The following ZBTB4 variants were observed in gnomAD, a reference collection of about 807,000 sequenced individuals.
ZBTB4 encodes the protein zinc finger and BTB domain containing 4, also known as zinc finger and BTB domain-containing protein 4.
Under a neutral mutation model 59.8 loss-of-function variants are expected in ZBTB4, and 14 were observed. The observed-to-expected ratio is 0.23, with a 90% CI of 0.15 to 0.37. ZBTB4 has a LOEUF of 0.37. Ranked by LOEUF, ZBTB4 falls within the 10% of genes least tolerant of loss-of-function variation. The pLI is 1.00. For missense variants in ZBTB4, 1,198 were observed against 1,380.8 expected, an observed-to-expected ratio of 0.87 and a Z score of 2.10; for synonymous variants, 587 against 575.2, an observed-to-expected ratio of 1.02 and a Z score of -0.29.
upstream of ZBTB4, chr17:7,482,550 C>T (rs532102930): frequency 1.9e-5 from 30 of 1,612,692 alleles, no homozygotes; most frequent in African/African-American, 2.7e-5. Flanking sequence ...GGTGTCTACA[C>T]CGCCCTGGGC....
intron 1 of ZBTB4, among the ~76,000 whole-genome samples, chr17:7,473,463 T>C (rs1002473369): frequency 3.3e-5 from 5 of 152,132 alleles, no homozygotes; most frequent in African/African-American, 1.2e-4. Flanking sequence ...TTTCACCATG[T>C]CGGCCTGGCT....
intron 1 of ZBTB4, among the ~76,000 whole-genome samples, chr17:7,477,719 G>A (rs1386679868): frequency 6.6e-6 from 1 of 152,206 alleles, no homozygotes; most frequent in African/African-American, 2.4e-5. Flanking sequence ...CACAAGGGGG[G>A]CAGAGAGAGG....
At chr17:7,474,220 C>CTTTTTTTTTTTTTTTT (rs67462449) in intron 1 of ZBTB4, among the ~76,000 whole-genome samples, 1 of 116,114 alleles carries the variant, frequency 8.6e-6, no homozygotes, top group Non-Finnish European at 1.7e-5. Flanking sequence ...CATGGCCAGA[C>CTTTTTTTTTTTTTTTT]TTTTTTTTTT....
At chr17:7,464,431 GAAAAAA>G (rs55956412) in intron 3 of ZBTB4, among the ~76,000 whole-genome samples, 2 of 96,182 alleles carry the variant, frequency 2.1e-5, no homozygotes, top group Admixed American at 2.5e-4. Context: ...GTCAAAAAAA[GAAAAAA>G]AAAAAAAAAA....
At chr17:7,478,396 T>C (rs1567692235) in intron 1 of ZBTB4, among the ~76,000 whole-genome samples, 1 of 152,088 alleles carries the variant, frequency 6.6e-6, no homozygotes, top group Non-Finnish European at 1.5e-5. Flanking sequence ...ATCTGAGTTC[T>C]AGACGCGCAG....
chr17:7,465,155 C>CAAA lies in ZBTB4; in HGVS notation c.1091+553_1091+555dup, dbSNP rs1248932908. 4.2e-4 allele frequency among the ~76,000 whole-genome samples: 22 copies of CAAA among 52,116 alleles called. 2 individuals are homozygous for CAAA. The highest frequency in any genetic ancestry group is 9.0e-4 in the African/African-American group (13 of 14,406). The allele number at this position is 52,116 out of a possible 152,430, so 34.2% of individuals were successfully genotyped here. A position where few individuals can be genotyped will look rare whatever the true frequency, so the allele number is the denominator to read the frequency against. On this transcript the variant is annotated intron_variant, in intron 3 of 3. Coordinates refer to ENST00000380599, the MANE Select transcript of ZBTB4 (RefSeq NM_001128833.2). ...TGGGCAACAGGGCGAGACTCTGTCT[C>CAAA]AAAAAAAAAAAATAAAAAAAATGCC... is the stretch of plus-strand genomic sequence containing the variant.
Position 7,462,161 on chromosome 17 carries a change from A to G in ZBTB4, c.2821T>C (p.Leu941=), listed in dbSNP as rs1415466291. The stretch of plus-strand genomic sequence containing the variant: ...TTGAGAGCAACCGGGAGAGCGGCCA[A>G]GTTACTGAAGTTGTAAGGGTAGGCG... ...LAAYPYNFSN[L]AALPVALNMV... The change falls in exon 4 of 4, where the codon TTG becomes CTG. Residue 941 remains leucine, a synonymous_variant. Coordinates refer to ENST00000380599, the MANE Select transcript of ZBTB4 (RefSeq NM_001128833.2). This position sits in a 1 kb window ranked among gnomAD's most constrained non-coding sequence, Gnocchi z 7.5. 1 of 1,613,642 alleles carries G rather than the reference A, an allele frequency of 6.2e-7. No homozygotes were observed. The highest frequency in any genetic ancestry group is 8.5e-7 in the Non-Finnish European group (1 of 1,179,866).
chr17:7,474,410 G>A (rs1026137818), intron 1 of ZBTB4, among the ~76,000 whole-genome samples: 2 of 151,670 alleles, frequency 1.3e-5, no homozygotes, highest in African/African-American at 4.9e-5. Context: ...GTAGAGATAG[G>A]GCTTCACCAT....
chr17:7,470,493 G>A (rs541791414), intron 1 of ZBTB4, among the ~76,000 whole-genome samples: 4 of 152,082 alleles, frequency 2.6e-5, no homozygotes, highest in Admixed American at 2.0e-4. Context: ...TCAGGAGCTC[G>A]AGACCAGCCT....
chr17:7,474,419 A>G (rs971091960), intron 1 of ZBTB4, among the ~76,000 whole-genome samples: 5 of 151,718 alleles, frequency 3.3e-5, no homozygotes, highest in Non-Finnish European at 5.9e-5. Flanking sequence ...GGGCTTCACC[A>G]TGTTGCCCAG....
upstream of ZBTB4, chr17:7,482,950 C>A: frequency 1.2e-6 from 2 of 1,611,974 alleles, no homozygotes; most frequent in Middle Eastern, 2.3e-4. Flanking sequence ...GCATTGCCAT[C>A]ATCACAGCCT....
Position 7,466,091 on chromosome 17 carries a change from G to C in ZBTB4, c.711C>G (p.Pro237=). ...GATGGATGAAGCTTTTTCCACACTG[G>C]GGGCAGGGGAGGGGCCGCCGGGGCA... ...CSLPRRPLPC[P]QCGKSFIHPK... The change falls in exon 3 of 4, where the codon CCC becomes CCG. Residue 237 remains proline (P), a synonymous_variant. Transcript: ENST00000380599. The surrounding 1 kb of genome is among the most constrained non-coding windows in gnomAD (Gnocchi z 9.1). 1 of 1,605,562 alleles carries C rather than the reference G, an allele frequency of 6.2e-7. No individual in the cohort carries two copies. Among genetic ancestry groups the C allele is most frequent in the Non-Finnish European group, 8.5e-7 (1 of 1,175,130 alleles).
rs144550910 is a variant in ZBTB4, at chr17:7,465,908, G to A, written c.894C>T (p.His298=). ...PPVGFRGGPE[H]VVKVVGGHVL... ...CGTGGCCGCCCACCACCTTCACCAC[G>A]TGCTCGGGGCCCCCTCGGAAGCCCA... is the stretch of plus-strand genomic sequence containing the variant. The change falls in exon 3 of 4, where the codon CAC becomes CAT. Residue 298 remains histidine, a synonymous_variant. Coordinates refer to ENST00000380599, the MANE Select transcript of ZBTB4 (RefSeq NM_001128833.2). 5.1e-5 allele frequency: 82 copies of A among 1,612,272 alleles called. No individual in the cohort carries two copies. The African/African-American group carries it at 6.4e-4, about 13-fold the overall frequency.
In ZBTB4 at chr17:7,465,957, T is replaced by C. The variant is rs199591199; in HGVS notation, c.845A>G (p.Asp282Gly). 52 of 1,602,552 alleles carry C rather than the reference T, an allele frequency of 3.2e-5. 2 individuals carry two copies. In the East Asian group the frequency reaches 1.2e-3, roughly 36 times the overall value. The change falls in exon 3 of 4, where the codon GAC (aspartate) becomes GGC (glycine). Residue 282 changes from aspartate (D) to glycine (G), a missense_variant. Physicochemically the swap from Asp to Gly is moderately conservative, Grantham distance 94 (BLOSUM62 -1). Transcript: ENST00000380599. ...CACTGGTGGAGGCAGGGCTGAGGCG[T>C]CCACCCCTGCAGGACCACCAGGGCC... ...GAGPGGPAGV[D>G]ASALPPPVGF...
Position 7,465,953 on chromosome 17 carries a change from G to C in ZBTB4, c.849C>G (p.Ala283=), listed in dbSNP as rs772329184. The part of the protein sequence containing the change: ...AGPGGPAGVD[A]SALPPPVGFR... Reference sequence around the variant, plus strand: ...AGCCCACTGGTGGAGGCAGGGCTGAGGCGTCCACCCCTGCAGGACCACCAG... The same window carrying C: ...AGCCCACTGGTGGAGGCAGGGCTGACGCGTCCACCCCTGCAGGACCACCAG... Residue 283 remains alanine, a synonymous_variant, in exon 3 of 4, where the codon GCC becomes GCG. Transcript: ENST00000380599. The C allele has an allele frequency of 1.2e-6, 2 of 1,604,404 alleles. No homozygotes were observed. The highest frequency in any genetic ancestry group is 2.2e-5 in the South Asian group (2 of 90,446).
At chr17:7,482,112 C>G, upstream of ZBTB4, 1 of 1,614,184 alleles carries the variant, frequency 6.2e-7, no homozygotes, top group Non-Finnish European at 8.5e-7. Flanking sequence ...CTGCTGGTGG[C>G]CCTGCTGGGT....
At chr17:7,476,464 A>G (rs1244222561) in intron 1 of ZBTB4, among the ~76,000 whole-genome samples, 1 of 152,168 alleles carries the variant, frequency 6.6e-6, no homozygotes, top group Non-Finnish European at 1.5e-5. Context: ...CCTGGGCAAT[A>G]TATTGAGACC....
chr17:7,462,934 C>T lies in ZBTB4; in HGVS notation c.2048G>A (p.Ser683Asn), dbSNP rs752971655. Reference protein sequence around the residue: ...KRKAGAAGGASVGGSGLPRGR... With the variant: ...KRKAGAAGGANVGGSGLPRGR... Reference sequence around the variant, plus strand: ...TCGGGGCAGCCCACTGCCCCCCACACTGGCACCTCCAGCAGCTCCAGCCTT... The same window carrying T: ...TCGGGGCAGCCCACTGCCCCCCACATTGGCACCTCCAGCAGCTCCAGCCTT... The change falls in exon 4 of 4, where the codon AGT becomes AAT. Residue 683 changes from serine (S) to asparagine (N), a missense_variant. Physicochemically the swap from Ser to Asn is conservative, Grantham distance 46. Coordinates refer to ENST00000380599, the MANE Select transcript of ZBTB4 (RefSeq NM_001128833.2). This position sits in a 1 kb window ranked among gnomAD's most constrained non-coding sequence, Gnocchi z 7.5. The T allele has an allele frequency of 2.5e-6, 4 of 1,609,046 alleles. No individual in the cohort carries two copies. The highest frequency in any genetic ancestry group is 2.5e-6 in the Non-Finnish European group (3 of 1,178,794).
chr17:7,463,681 G>C lies in ZBTB4; in HGVS notation c.1301C>G (p.Ala434Gly). Residue 434 changes from alanine (A) to glycine (G), a missense_variant, in exon 4 of 4, where the codon GCC becomes GGC. Ala to Gly is a moderately conservative substitution (Grantham distance 60). Coordinates refer to ENST00000380599, the MANE Select transcript of ZBTB4 (RefSeq NM_001128833.2). ...KRPYKTYSQG[A>G]PEAPLSPTLN... ...GGTTGGAGAAAGGGGAGCCTCCGGG[G>C]CTCCCTGGCTGTAGGTCTTGTAGGG... 1 of 1,613,768 alleles carries C rather than the reference G, an allele frequency of 6.2e-7. No individual in the cohort carries two copies. The highest frequency in any genetic ancestry group is 8.5e-7 in the Non-Finnish European group (1 of 1,179,896).
Sources: gnomAD v4.1 joint callset for allele counts (sites outside exome capture counted in the v4.1 genomes callset) on GRCh38, gnomAD v4.1.1 for gene constraint, Gnocchi (gnomAD v3.1) non-coding constraint, MANE v1.5 for transcripts, NCBI Gene and HGNC (gene_info 2026-07-23, HGNC 2026-07-21) for gene names.